Variants in MSRA observed in about 807,000 individuals in gnomAD.
The protein encoded by MSRA is mitochondrial peptide methionine sulfoxide reductase.
A neutral mutation model predicts 31.3 loss-of-function variants in MSRA; 54 were observed. The ratio of observed to expected loss-of-function variants is 1.73; its 90% confidence interval spans 1.39 to 2.17. The LOEUF is 2.17. Among genes scored for constraint, MSRA ranks in the 30% most tolerant of loss-of-function variants. The pLI is 0.00. For missense variants in MSRA, 507 were observed against 300.9 expected, an observed-to-expected ratio of 1.69 and a Z score of -5.07; for synonymous variants, 169 against 116.5, an observed-to-expected ratio of 1.45 and a Z score of -2.90.
chr8:10,347,158 G>C (rs1803833493), intron 5 of MSRA, among the ~76,000 whole-genome samples: 1 of 152,168 alleles, frequency 6.6e-6, no homozygotes, highest in African/African-American at 2.4e-5. Flanking sequence ...CTTGAGGGCA[G>C]GGGTTCTGTC....
At chr8:10,058,642 C>G (rs886953714) in intron 1 of MSRA, among the ~76,000 whole-genome samples, 5 of 152,194 alleles carry the variant, frequency 3.3e-5, no homozygotes, top group African/African-American at 1.2e-4. Context: ...CATAGCATAT[C>G]TATTTGAACC....
At chr8:10,261,641 A>G (rs1798490682) in intron 3 of MSRA, among the ~76,000 whole-genome samples, 3 of 152,150 alleles carry the variant, frequency 2.0e-5, no homozygotes, top group Non-Finnish European at 4.4e-5. Context: ...CCACACATAC[A>G]TCCATTTTCT....
chr8:10,203,617 C>G (rs1808691152), intron 1 of MSRA, among the ~76,000 whole-genome samples: 1 of 151,594 alleles, frequency 6.6e-6, no homozygotes, highest in Non-Finnish European at 1.5e-5. Flanking sequence ...AAAAGTTCAG[C>G]ACATTCGATA....
intron 3 of MSRA, among the ~76,000 whole-genome samples, chr8:10,253,716 G>A (rs1414171504): frequency 6.6e-6 from 1 of 150,628 alleles, no homozygotes; most frequent in Non-Finnish European, 1.5e-5. Context: ...ATCTAATGGA[G>A]CCATAATGTA....
In MSRA at chr8:10,410,252, A is replaced by G. The variant is rs1808074975; in HGVS notation, c.544-17896A>G. On this transcript the variant is annotated intron_variant, in intron 5 of 5. Transcript: ENST00000317173. ...GAGCCACCAACACTCTCGTATGGAA[A>G]GTCTGCCAACAGGCTAGGTCTTCCA... is the stretch of plus-strand genomic sequence containing the variant. Among the ~76,000 whole-genome samples, 4 of 152,272 alleles carry G rather than the reference A, an allele frequency of 2.6e-5. No homozygotes were observed. In the South Asian group the frequency reaches 8.3e-4, roughly 32 times the overall value.
intron 5 of MSRA, among the ~76,000 whole-genome samples, chr8:10,341,154 C>T (rs991526774): frequency 5.9e-5 from 9 of 152,106 alleles, no homozygotes; most frequent in African/African-American, 2.2e-4. Flanking sequence ...AGGCAGTTCT[C>T]GCGTTGCCAT....
chr8:10,420,394 AT>A (rs1319511647), intron 5 of MSRA, among the ~76,000 whole-genome samples: 2 of 152,176 alleles, frequency 1.3e-5, no homozygotes. Context: ...TCATCTAAAA[AT>A]ATGGGGAGAC....
chr8:10,061,079 G>C (rs1802691135), intron 1 of MSRA, among the ~76,000 whole-genome samples: 1 of 152,118 alleles, frequency 6.6e-6, no homozygotes, highest in African/African-American at 2.4e-5. Context: ...GTTCCAGAAC[G>C]TTTAGTGTTT....
intron 1 of MSRA, among the ~76,000 whole-genome samples, chr8:10,145,029 A>G (rs570685049): frequency 6.6e-6 from 1 of 152,184 alleles, no homozygotes; most frequent in Non-Finnish European, 1.5e-5. Context: ...CTTTCAGACA[A>G]TAAATAGCTG....
chr8:10,413,249 A>G (rs148586820), intron 5 of MSRA, among the ~76,000 whole-genome samples: 110 of 152,346 alleles, frequency 7.2e-4, no homozygotes, highest in Non-Finnish European at 1.1e-3. Context: ...CACAGCCCTC[A>G]GCAAAGGTAG....
At chr8:10,246,148 A>G (rs1797611986) in intron 3 of MSRA, among the ~76,000 whole-genome samples, 1 of 152,194 alleles carries the variant, frequency 6.6e-6, no homozygotes, top group Non-Finnish European at 1.5e-5. Flanking sequence ...TGTTATTATT[A>G]TATATTATCT....
intron 1 of MSRA, among the ~76,000 whole-genome samples, chr8:10,081,469 C>G (rs960593942): frequency 6.6e-6 from 1 of 152,176 alleles, no homozygotes; most frequent in African/African-American, 2.4e-5. Context: ...GATGCTACCT[C>G]TTTTTCACAC....
chr8:10,195,623 A>G (rs944713851), intron 1 of MSRA, among the ~76,000 whole-genome samples: 8 of 152,222 alleles, frequency 5.3e-5, no homozygotes, highest in Non-Finnish European at 1.2e-4. Flanking sequence ...CAATAATTGA[A>G]TAAATTGGAA....
rs181526374 is a variant in MSRA at position 10,221,430 on chromosome 8, A to C, written c.211+13529A>C. The stretch of plus-strand genomic sequence containing the variant: ...ACATATTATAAATATATATATGTAT[A>C]TATGTGTATATATACATATATATAT... On this transcript the variant is annotated intron_variant, in intron 2 of 5. Coordinates refer to ENST00000317173, the MANE Select transcript of MSRA (RefSeq NM_012331.5). Among the ~76,000 whole-genome samples the C allele has an allele frequency of 5.6e-4, 78 of 139,568 alleles. No individual in the cohort carries two copies. The East Asian group carries it at 0.016, about 28-fold the overall frequency. The allele number at this position is 139,568 out of a possible 152,430, so 91.6% of individuals were successfully genotyped here.
chr8:10,299,720 G>C (rs1051651787), intron 3 of MSRA, among the ~76,000 whole-genome samples: 1 of 152,098 alleles, frequency 6.6e-6, no homozygotes, highest in Non-Finnish European at 1.5e-5. Flanking sequence ...GCTATGAATT[G>C]CTAAGGATTA....
At chr8:10,250,625 CA>C (rs1797865664) in intron 3 of MSRA, 1 of 615,968 alleles carries the variant, frequency 1.6e-6, no homozygotes, top group African/African-American at 1.8e-5. Context: ...GGCTGTTCAG[CA>C]GAGGTTTCGA....
At chr8:10,253,760 T>C (rs1798034971) in intron 3 of MSRA, among the ~76,000 whole-genome samples, 1 of 151,930 alleles carries the variant, frequency 6.6e-6, no homozygotes, top group African/African-American at 2.4e-5. Flanking sequence ...GGTCAGGGGG[T>C]TGAGCTTCTC....
intron 1 of MSRA, among the ~76,000 whole-genome samples, chr8:10,192,666 CT>C (rs1248959744): frequency 2.6e-5 from 4 of 152,184 alleles, no homozygotes; most frequent in African/African-American, 9.7e-5. Context: ...TTCTTTTCCC[CT>C]ATCCTAGCTT....
chr8:10,107,545 T>A (rs972071291), intron 1 of MSRA, among the ~76,000 whole-genome samples: 8 of 152,208 alleles, frequency 5.3e-5, no homozygotes, highest in African/African-American at 1.9e-4. Context: ...TCTAATGCTT[T>A]TCAATAACAG....
Sources: gnomAD v4.1 joint callset for allele counts (sites outside exome capture counted in the v4.1 genomes callset) on GRCh38, gnomAD v4.1.1 for gene constraint, MANE v1.5 for transcripts, NCBI Gene and HGNC (gene_info 2026-07-23, HGNC 2026-07-21) for gene names.